The following SERGEF variants were observed in gnomAD, a reference collection of about 807,000 sequenced individuals.
The protein encoded by SERGEF is secretion regulating guanine nucleotide exchange factor.
Under a neutral mutation model 50.0 loss-of-function variants are expected in SERGEF, and 51 were observed. The observed-to-expected ratio is 1.02, with a 90% CI of 0.81 to 1.29. SERGEF has a LOEUF of 1.29. Ranked by LOEUF, SERGEF falls within the 50% of genes most tolerant of loss-of-function variation. The pLI, the probability that SERGEF is intolerant of heterozygous loss-of-function variation, is 0.00. For synonymous variants in SERGEF, 205 were observed against 212.4 expected, an observed-to-expected ratio of 0.97 and a Z score of 0.30; for missense variants, 521 against 557.0, an observed-to-expected ratio of 0.94 and a Z score of 0.65.
intron 8 of SERGEF, among the ~76,000 whole-genome samples, chr11:17,980,925 C>A (rs17721184): frequency 2.4e-4 from 37 of 152,224 alleles, no homozygotes; most frequent in African/African-American, 8.7e-4. Context: ...ATTATGTAAA[C>A]GTATTGGCCA....
chr11:17,833,363 C>T (rs1306493875), intron 10 of SERGEF, among the ~76,000 whole-genome samples: 1 of 152,174 alleles, frequency 6.6e-6, no homozygotes, highest in African/African-American at 2.4e-5. Context: ...GTCTAGATTT[C>T]AGAAGTGTAT....
At chr11:17,854,965 A>T (rs1278184045) in intron 10 of SERGEF, 2 of 152,170 alleles carry the variant, frequency 1.3e-5, no homozygotes, top group Admixed American at 6.5e-5. Flanking sequence ...TTCTTTATCT[A>T]CATAGGGAAA....
intron 10 of SERGEF, among the ~76,000 whole-genome samples, chr11:17,807,600 G>A (rs780357779): frequency 7.9e-5 from 12 of 152,194 alleles, no homozygotes; most frequent in East Asian, 3.9e-4. Context: ...GTTTGATGCC[G>A]CCAACCAGGG....
intron 10 of SERGEF, among the ~76,000 whole-genome samples, chr11:17,819,994 C>T (rs1850047560): frequency 6.6e-6 from 1 of 152,108 alleles, no homozygotes; most frequent in African/African-American, 2.4e-5. Flanking sequence ...CACACCACCA[C>T]ACTTGGCTAA....
chr11:17,807,597 G>A (rs1414722128), intron 10 of SERGEF, among the ~76,000 whole-genome samples: 2 of 152,246 alleles, frequency 1.3e-5, no homozygotes, highest in Non-Finnish European at 2.9e-5. Flanking sequence ...CTTGTTTGAT[G>A]CCGCCAACCA....
intron 10 of SERGEF, among the ~76,000 whole-genome samples, chr11:17,796,873 G>T (rs1849579499): frequency 6.6e-6 from 1 of 152,136 alleles, no homozygotes; most frequent in African/African-American, 2.4e-5. Context: ...TTCAGAGAAG[G>T]CTGTATGTGG....
intron 3 of SERGEF, among the ~76,000 whole-genome samples, chr11:18,005,852 A>G (rs1437366366): frequency 1.3e-5 from 2 of 152,142 alleles, no homozygotes; most frequent in Non-Finnish European, 2.9e-5. Flanking sequence ...AAAAAAAAAA[A>G]TCCCACAGTG....
chr11:17,867,065 CT>C (rs1851042289), intron 10 of SERGEF, among the ~76,000 whole-genome samples: 5 of 152,336 alleles, frequency 3.3e-5, no homozygotes, highest in South Asian at 2.1e-4. Flanking sequence ...CATTCTGCCC[CT>C]GGCCCCTCCT....
chr11:17,846,517 T>C (rs1323700275), intron 10 of SERGEF: 1 of 361,618 alleles, frequency 2.8e-6, no homozygotes, highest in Non-Finnish European at 5.5e-6. Flanking sequence ...AACACCATCT[T>C]TGTATTTTTT....
At chr11:17,839,915 C>T (rs1850470324) in intron 10 of SERGEF, among the ~76,000 whole-genome samples, 1 of 152,228 alleles carries the variant, frequency 6.6e-6, no homozygotes, top group African/African-American at 2.4e-5. Flanking sequence ...TGAGATTTAG[C>T]CTAGGTCCTT....
At chr11:17,863,469 C>T (rs185873988) in intron 10 of SERGEF, 4 of 152,338 alleles carry the variant, frequency 2.6e-5, no homozygotes, top group Non-Finnish European at 4.4e-5. Context: ...TTTCCCTTTG[C>T]TCATGCTTAT....
chr11:17,937,473 G>A (rs1369334386), intron 9 of SERGEF, among the ~76,000 whole-genome samples: 2 of 152,112 alleles, frequency 1.3e-5, no homozygotes, highest in East Asian at 3.9e-4. Flanking sequence ...GGAGGCAGAG[G>A]TTGCAGTGAG....
intron 9 of SERGEF, chr11:17,918,760 A>G (rs1852099597): frequency 2.3e-6 from 1 of 443,840 alleles, no homozygotes; most frequent in South Asian, 1.6e-5. Flanking sequence ...CTTTCCAAGG[A>G]GATGCCATCT....
chr11:17,921,982 C>T (rs899623130), intron 9 of SERGEF, among the ~76,000 whole-genome samples: 24 of 152,180 alleles, frequency 1.6e-4, no homozygotes, highest in African/African-American at 5.8e-4. Context: ...TTCCCTAGTG[C>T]AAACTCCCAG....
chr11:17,870,704 T>C (rs1851122848), intron 10 of SERGEF, among the ~76,000 whole-genome samples: 1 of 152,150 alleles, frequency 6.6e-6, no homozygotes, highest in Non-Finnish European at 1.5e-5. Flanking sequence ...AAAATACAAA[T>C]AGTTCTTGAA....
chr11:17,789,958 C>T (rs2133816415), intron 10 of SERGEF, among the ~76,000 whole-genome samples: 1 of 152,258 alleles, frequency 6.6e-6, no homozygotes, highest in Admixed American at 6.5e-5. Context: ...GCACTCCACC[C>T]CGGGTGACAG....
intron 9 of SERGEF, among the ~76,000 whole-genome samples, chr11:17,916,929 C>A (rs1036529728): frequency 6.6e-6 from 1 of 152,114 alleles, no homozygotes; most frequent in South Asian, 2.1e-4. Context: ...TATTTGAATA[C>A]GGATGCAGTG....
chr11:17,873,513 T>C (rs1339119887), intron 10 of SERGEF, among the ~76,000 whole-genome samples: 1 of 152,186 alleles, frequency 6.6e-6, no homozygotes, highest in Non-Finnish European at 1.5e-5. Context: ...TTACATGAAA[T>C]TGCTTGATGG....
chr11:17,902,012 T>G (rs1851756497), intron 9 of SERGEF, among the ~76,000 whole-genome samples: 1 of 152,228 alleles, frequency 6.6e-6, no homozygotes, highest in Non-Finnish European at 1.5e-5. Flanking sequence ...CAGCACACAG[T>G]AGGTAGTTAC....
Sources: gnomAD v4.1 joint callset for allele counts (sites outside exome capture counted in the v4.1 genomes callset) on GRCh38, gnomAD v4.1.1 for gene constraint, MANE v1.5 for transcripts, NCBI Gene and HGNC (gene_info 2026-07-23, HGNC 2026-07-21) for gene names.